GPRC5B: variants seen among roughly 807,000 people sequenced by gnomAD.
GPRC5B encodes the protein G protein-coupled receptor family C group 5 member B.
GPRC5B carries 16 observed loss-of-function variants against 30.1 expected under a neutral mutation model. That is an observed-to-expected ratio of 0.53 (90% confidence interval 0.36 to 0.81). The LOEUF (loss-of-function observed/expected upper bound fraction) is 0.81. Ranked by LOEUF, GPRC5B falls within the 30% of genes least tolerant of loss-of-function variation. The probability of loss-of-function intolerance (pLI) is 0.01; values close to 1 mark genes in which losing one functional copy is unlikely to be tolerated. For missense variants in GPRC5B, 428 were observed against 544.7 expected, an observed-to-expected ratio of 0.79 and a Z score of 2.13; for synonymous variants, 241 against 239.5, an observed-to-expected ratio of 1.01 and a Z score of -0.06.
rs1006807146 is a variant in GPRC5B at position 19,859,948 on chromosome 16, T to A, written c.*552A>T. 4 of 153,226 alleles carry A rather than the reference T, an allele frequency of 2.6e-5. No homozygotes were observed. Among genetic ancestry groups the A allele is most frequent in the African/African-American group, 9.6e-5 (4 of 41,456 alleles). The allele number at this position is 153,226 out of a possible 1,614,324, so 9.5% of individuals were successfully genotyped here. A position where few individuals can be genotyped will look rare whatever the true frequency, so the allele number is the denominator to read the frequency against. On this transcript the variant is annotated 3_prime_UTR_variant, in exon 4 of 4. Coordinates refer to ENST00000300571, the MANE Select transcript of GPRC5B (RefSeq NM_016235.3). ...CCCCACGATTCAGTTGGGCCTCACC[T>A]TGGAATCCCACCCACAACCTCCTTA... is the stretch of plus-strand genomic sequence containing the variant.
chr16:19,863,491 CTTTTT>C (rs10541805), intron 2 of GPRC5B, among the ~76,000 whole-genome samples: 13,946 of 82,668 alleles, frequency 0.17, 712 homozygotes, highest in African/African-American at 0.2. Flanking sequence ...AATCTGTGTT[CTTTTT>C]TTTTTTTTTT....
chr16:19,885,142 G>A (rs928230080), upstream of GPRC5B: 63 of 1,161,200 alleles, frequency 5.4e-5, no homozygotes, highest in Non-Finnish European at 6.9e-5. This position sits in a 1 kb window ranked among gnomAD's most constrained non-coding sequence, Gnocchi z 5.3. Context: ...GTCCAGACGA[G>A]CCGGGCAACT....
intron 1 of GPRC5B, among the ~76,000 whole-genome samples, chr16:19,882,837 G>A (rs2056817432): frequency 6.6e-6 from 1 of 152,028 alleles, no homozygotes; most frequent in Non-Finnish European, 1.5e-5. Flanking sequence ...TACAGCTCCA[G>A]CCACAATGGC....
chr16:19,873,236 G>A (rs988019310), intron 1 of GPRC5B, among the ~76,000 whole-genome samples: 11 of 152,128 alleles, frequency 7.2e-5, no homozygotes, highest in African/African-American at 2.4e-4. Flanking sequence ...AGGCAGAGGC[G>A]GGCGGATCAC....
intron 2 of GPRC5B, among the ~76,000 whole-genome samples, chr16:19,867,326 C>T (rs993987172): frequency 2.0e-5 from 3 of 152,190 alleles, no homozygotes; most frequent in African/African-American, 4.8e-5. Context: ...GTTCAAATTC[C>T]GGCTCTGCCT....
intron 1 of GPRC5B, among the ~76,000 whole-genome samples, chr16:19,881,164 C>G (rs1017302439): frequency 4.6e-5 from 7 of 152,196 alleles, no homozygotes; most frequent in African/African-American, 1.7e-4. Flanking sequence ...AGAGGGGAGT[C>G]AGACAGAGCT....
chr16:19,882,451 T>C (rs1433481783), intron 1 of GPRC5B: 1 of 152,198 alleles, frequency 6.6e-6, no homozygotes, highest in East Asian at 1.9e-4. Flanking sequence ...TACGGGGCCG[T>C]GGGCTCCGGG....
At chr16:19,868,745 G>A (rs1360605467) in intron 2 of GPRC5B, among the ~76,000 whole-genome samples, 8 of 152,290 alleles carry the variant, frequency 5.3e-5, no homozygotes, top group South Asian at 2.1e-4. Flanking sequence ...CCTATCTAGC[G>A]GAGAGGCCAC....
At chr16:19,875,095 T>A (rs1310635821) in intron 1 of GPRC5B, among the ~76,000 whole-genome samples, 1 of 152,212 alleles carries the variant, frequency 6.6e-6, no homozygotes, top group Non-Finnish European at 1.5e-5. Flanking sequence ...ACAGAGATCC[T>A]GTGAGCATCT....
Position 19,878,200 on chromosome 16 carries a change from AAAACAAAC to A in GPRC5B, c.-1-5362_-1-5355del, listed in dbSNP as rs147229390. 3.2e-4 allele frequency among the ~76,000 whole-genome samples: 42 copies of A among 132,498 alleles called. 1 individual carries two copies. The highest frequency in any genetic ancestry group is 8.7e-4 in the Admixed American group (12 of 13,720). The allele number at this position is 132,498 out of a possible 152,430, so 86.9% of individuals were successfully genotyped here. A position where few individuals can be genotyped will look rare whatever the true frequency, so the allele number is the denominator to read the frequency against. On this transcript the variant is annotated intron_variant, in intron 1 of 3. Transcript: ENST00000300571. ...GGCAACAGAGTGAGACTCCGTCTTA[AAAACAAAC>A]AAACAAACAAACAAACAAAAAAACC...
chr16:19,860,940 C>T (rs188778649), intron 3 of GPRC5B, among the ~76,000 whole-genome samples: 3 of 152,098 alleles, frequency 2.0e-5, no homozygotes, highest in East Asian at 1.9e-4. Context: ...ACAGCCCAGT[C>T]GTTGGCAGGG....
chr16:19,867,880 T>A (rs535080763), intron 2 of GPRC5B, among the ~76,000 whole-genome samples: 40 of 152,096 alleles, frequency 2.6e-4, no homozygotes, highest in African/African-American at 8.4e-4. Flanking sequence ...TGAAAGCCCA[T>A]CTCTACTAAA....
At chr16:19,876,849 GA>G (rs2056763305) in intron 1 of GPRC5B, among the ~76,000 whole-genome samples, 1 of 152,252 alleles carries the variant, frequency 6.6e-6, no homozygotes, top group Non-Finnish European at 1.5e-5. Flanking sequence ...TTTCTGGAAA[GA>G]GCACCTGATT....
chr16:19,880,561 G>C (rs1281857576), intron 1 of GPRC5B, among the ~76,000 whole-genome samples: 1 of 152,202 alleles, frequency 6.6e-6, no homozygotes, highest in African/African-American at 2.4e-5. Context: ...AGGTCCCTGA[G>C]GTGGTGTGAA....
At position 19,872,574 on chromosome 16, in the gene GPRC5B, C is replaced by G; in HGVS notation, c.272G>C (p.Ser91Thr). 1 of 1,614,140 alleles carries G rather than the reference C, an allele frequency of 6.2e-7. No individual in the cohort carries two copies. The highest frequency in any genetic ancestry group is 8.5e-7 in the Non-Finnish European group (1 of 1,179,978). Residue 91 changes from serine (S) to threonine (T), a missense_variant, in exon 2 of 4, where the codon AGC becomes ACC. Around this residue, in one of 3 missense-constraint regions of GPRC5B, gnomAD observed 196 missense variants for 272.6 expected, o/e 0.72. Coordinates refer to ENST00000300571, the MANE Select transcript of GPRC5B (RefSeq NM_016235.3). This position sits in a 1 kb window ranked among gnomAD's most constrained non-coding sequence, Gnocchi z 5.0. ...GAACAGAAAGTGGAGGCCCACAGGG[C>G]TCTTCTTCTCCTTCTCCTTGATGAA... Reference protein sequence around the residue: ...LPFIKEKEKKSPVGLHFLFLL... With the variant: ...LPFIKEKEKKTPVGLHFLFLL...
chr16:19,884,890 G>T (rs907520279), upstream of GPRC5B: 250 of 977,704 alleles, frequency 2.6e-4, no homozygotes, highest in Non-Finnish European at 3.0e-4. Context: ...CCCTGGCCCG[G>T]CCCGCGCTGC....
At chr16:19,877,566 C>T (rs1393164511) in intron 1 of GPRC5B, among the ~76,000 whole-genome samples, 9 of 152,082 alleles carry the variant, frequency 5.9e-5, no homozygotes, top group Non-Finnish European at 1.0e-4. Flanking sequence ...TTCAGAAATG[C>T]CCCCCAGAGT....
Position 19,857,535 on chromosome 16 carries a change from CAA to C in GPRC5B, c.*2963_*2964del. ...CATTTAATAAATATATATTATCTAT[CAA>C]AAGTGAGCCTTAGCTCTTCATCAGT... On this transcript the variant is annotated 3_prime_UTR_variant, in exon 4 of 4. Coordinates refer to ENST00000300571, the MANE Select transcript of GPRC5B (RefSeq NM_016235.3). 2.5e-6 allele frequency: 1 copy of C among 397,710 alleles called. No homozygotes were observed. 24.6% of individuals were successfully genotyped at this position (397,710 alleles called of 1,614,324 possible). A position where few individuals can be genotyped will look rare whatever the true frequency, so the allele number is the denominator to read the frequency against.
rs751611822 is a variant in GPRC5B, at chr16:19,861,917, A to C, written c.1087T>G (p.Leu363Val). 1 of 1,613,500 alleles carries C rather than the reference A, an allele frequency of 6.2e-7. No homozygotes were observed. Among genetic ancestry groups the C allele is most frequent in the Non-Finnish European group, 8.5e-7 (1 of 1,179,548 alleles). ...AACGGAGCGCTGGGTCTTTTCCCCA[A>C]GCTGCCACTGGGTCTTTTTCCCAAG... ...GSLGKRPSGSLGKRPSAPFRS... is the reference protein window; with the variant it reads ...GSLGKRPSGSVGKRPSAPFRS... Residue 363 changes from leucine to valine, a missense_variant, in exon 3 of 4, where the codon TTG becomes GTG. Coordinates refer to ENST00000300571, the MANE Select transcript of GPRC5B (RefSeq NM_016235.3).
Sources: allele counts gnomAD v4.1 joint callset (sites outside exome capture counted in the v4.1 genomes callset), GRCh38; gene constraint gnomAD v4.1.1; regional missense constraint gnomAD v4.1.1; non-coding constraint Gnocchi (gnomAD v3.1); transcripts MANE v1.5; gene names NCBI Gene and HGNC (gene_info 2026-07-23, HGNC 2026-07-21).